Variants in KCTD17 observed in about 807,000 individuals in gnomAD.
KCTD17 encodes potassium channel tetramerization domain containing 17.
KCTD17 carries 20 observed loss-of-function variants against 41.5 expected under a neutral mutation model. The ratio of observed to expected loss-of-function variants is 0.48; its 90% CI spans 0.34 to 0.70. KCTD17 has a LOEUF of 0.70. Ranked by LOEUF, KCTD17 falls within the 30% of genes least tolerant of loss-of-function variation. The pLI, the probability that KCTD17 is intolerant of heterozygous loss-of-function variation, is 0.01. For missense variants in KCTD17, 317 were observed against 427.2 expected (o/e 0.74, Z 2.27); for synonymous variants, 156 against 173.8 (o/e 0.90, Z 0.80).
At position 37,053,248 on chromosome 22, in the gene KCTD17, C is replaced by T. The variant is rs1924705851; in HGVS notation, c.298+40C>T. 6.8e-7 allele frequency: 1 copy of T among 1,472,742 alleles called. No homozygotes were observed. The highest frequency in any genetic ancestry group is 9.3e-7 in the Non-Finnish European group (1 of 1,074,048). 91.2% of individuals were successfully genotyped at this position (1,472,742 alleles called of 1,614,324 possible). On this transcript the variant is annotated intron_variant, in intron 2 of 8. Transcript: ENST00000403888. The surrounding 1 kb of genome is among the most constrained non-coding windows in gnomAD (Gnocchi z 4.1). ...GGGGCTGGCCTGGACCTTATGCAGC[C>T]TGCCAGGGCCCTCTGTGGAGGCCCC...
At chr22:37,052,113 T>C in intron 1 of KCTD17, 164 bp downstream of exon 1, 1 of 790,370 alleles carries the variant, frequency 1.3e-6, no homozygotes, top group Non-Finnish European at 1.8e-6. Context: ...GGGAGGTGGG[T>C]CTGGTAGTGA....
chr22:37,051,757 G>A lies in KCTD17; in HGVS notation c.-4G>A. ...GGAGGAGGATGCAGACGCCGCGGCC[G>A]GCGATGAGGATGGAGGCCGGGGAGG... On this transcript the variant is annotated 5_prime_UTR_variant, in exon 1 of 9. Transcript: ENST00000403888. 1 of 1,221,784 alleles carries A rather than the reference G, an allele frequency of 8.2e-7. No homozygotes were observed. The highest frequency in any genetic ancestry group is 1.0e-6 in the Non-Finnish European group (1 of 981,996). 75.7% of individuals were successfully genotyped at this position (1,221,784 alleles called of 1,614,324 possible).
intron 5 of KCTD17, 110 bp downstream of exon 5, chr22:37,059,548 C>T: frequency 7.7e-7 from 1 of 1,296,252 alleles, no homozygotes; most frequent in Non-Finnish European, 1.1e-6. Flanking sequence ...TCTCCCGCCA[C>T]CGCCCATGCA....
chr22:37,057,054 C>G (rs530922287), intron 3 of KCTD17, among the ~76,000 whole-genome samples: 5 of 152,160 alleles, frequency 3.3e-5, no homozygotes, highest in Non-Finnish European at 7.4e-5. Flanking sequence ...AGAATGTTCC[C>G]TAAGCCCCAC....
rs1407048691 is a variant in KCTD17, at chr22:37,053,845, A to G, written c.298+637A>G. Among the ~76,000 whole-genome samples, 2 of 152,108 alleles carry G rather than the reference A, an allele frequency of 1.3e-5. No homozygotes were observed. Reference sequence around the variant, plus strand: ...ACAGTGGGGAGGCCATGTCTGGGAGAACGACCTGTTAGCAGAGCTGCAGCC... The same window carrying G: ...ACAGTGGGGAGGCCATGTCTGGGAGGACGACCTGTTAGCAGAGCTGCAGCC... On this transcript the variant is annotated intron_variant, in intron 2 of 8. Transcript: ENST00000403888. This position sits in a 1 kb window ranked among gnomAD's most constrained non-coding sequence, Gnocchi z 4.1.
chr22:37,058,420 G>A (rs1013719970), intron 4 of KCTD17, among the ~76,000 whole-genome samples: 4 of 152,212 alleles, frequency 2.6e-5, no homozygotes, highest in African/African-American at 7.2e-5. Flanking sequence ...TCCTCTGTAG[G>A]ACTCTTGTGA....
In KCTD17 at chr22:37,061,890, A is replaced by G; in HGVS notation, c.875+261A>G. Reference sequence around the variant, plus strand: ...AGAGGCCCTGGCCAAGTCCCTGCACATCCAGGAGCTCCTGTGTCACTGCCT... The same window carrying G: ...AGAGGCCCTGGCCAAGTCCCTGCACGTCCAGGAGCTCCTGTGTCACTGCCT... On this transcript the variant is annotated intron_variant, in intron 8 of 8. Coordinates refer to ENST00000403888, the MANE Select transcript of KCTD17 (RefSeq NM_001282684.2). The surrounding 1 kb of genome is among the most constrained non-coding windows in gnomAD (Gnocchi z 6.6). The G allele has an allele frequency of 1.0e-6, 1 of 985,404 alleles. No homozygotes were observed. The highest frequency in any genetic ancestry group is 4.7e-5 in the South Asian group (1 of 21,286). 61.0% of individuals were successfully genotyped at this position (985,404 alleles called of 1,614,324 possible).
At chr22:37,062,444 C>A in intron 8 of KCTD17, 81 bp from the exon 9 acceptor site, 1 of 1,531,934 alleles carries the variant, frequency 6.5e-7, no homozygotes, top group Non-Finnish European at 8.8e-7. Context: ...CTCTCCGCCC[C>A]CTTGCCCTGC....
At chr22:37,056,718 C>T (rs928433496) in intron 3 of KCTD17, among the ~76,000 whole-genome samples, 12 of 152,206 alleles carry the variant, frequency 7.9e-5, no homozygotes, top group Non-Finnish European at 1.3e-4. Context: ...ATGGCACACC[C>T]ATCCCTTCCT....
chr22:37,059,239 C>T lies in KCTD17; in HGVS notation c.487-74C>T, dbSNP rs192215589. ...TGAGCTGGTATCTTGATTTGAGTGC[C>T]GAGGTCTGTCGTATCCTGCCCCACG... On this transcript the variant is annotated intron_variant, in intron 4 of 8. Transcript: ENST00000403888. The T allele has an allele frequency of 4.5e-5, 72 of 1,591,378 alleles. No homozygotes were observed. The African/African-American group carries it at 5.2e-4, about 12-fold the overall frequency.
At chr22:37,054,236 T>C (rs1317745737) in intron 2 of KCTD17, among the ~76,000 whole-genome samples, 1 of 152,150 alleles carries the variant, frequency 6.6e-6, no homozygotes, top group African/African-American at 2.4e-5. Context: ...ACAGATACCA[T>C]GGGCGTGGCC....
chr22:37,057,274 C>T (rs1925242116), intron 3 of KCTD17, 124 bp from the exon 4 acceptor site: 1 of 779,898 alleles, frequency 1.3e-6, no homozygotes, highest in Admixed American at 2.0e-5. Context: ...CCAACCACCT[C>T]TTCTTTCTCT....
At position 37,061,580 on chromosome 22, in the gene KCTD17, G is replaced by A. The variant is rs772026115; in HGVS notation, c.826G>A (p.Val276Met). ...HPLRPEAELA[V>M]RASPRPLARP... ...TCTCAGACCTGAGGCTGAGCTTGCA[G>A]TGAGGGCTTCTCCTCGGCCCCTCGC... The change falls in exon 8 of 9, where the codon GTG (valine) becomes ATG (methionine). Residue 276 changes from valine (V) to methionine (M), a missense_variant. Val to Met is a conservative substitution (Grantham distance 21). Coordinates refer to ENST00000403888, the MANE Select transcript of KCTD17 (RefSeq NM_001282684.2). The surrounding 1 kb of genome is among the most constrained non-coding windows in gnomAD (Gnocchi z 6.6). 6.2e-7 allele frequency: 1 copy of A among 1,601,776 alleles called. No homozygotes were observed. The highest frequency in any genetic ancestry group is 8.5e-7 in the Non-Finnish European group (1 of 1,179,690).
chr22:37,060,350 G>T (rs926081136), intron 5 of KCTD17, among the ~76,000 whole-genome samples: 1 of 150,326 alleles, frequency 6.7e-6, no homozygotes, highest in Non-Finnish European at 1.5e-5. Context: ...GGTGCAGAGC[G>T]AGACTGCTCC....
chr22:37,055,688 G>C (rs1925020017), intron 2 of KCTD17, among the ~76,000 whole-genome samples: 1 of 152,164 alleles, frequency 6.6e-6, no homozygotes, highest in South Asian at 2.1e-4. Flanking sequence ...ATGAGCTCGT[G>C]CAGGGTGTTG....
chr22:37,060,213 C>A (rs1330935402), intron 5 of KCTD17, among the ~76,000 whole-genome samples: 1 of 152,218 alleles, frequency 6.6e-6, no homozygotes, highest in Non-Finnish European at 1.5e-5. Context: ...CCTCCTGGGG[C>A]CCAACCCCAC....
intron 8 of KCTD17, chr22:37,062,270 G>T: frequency 1.0e-6 from 1 of 985,064 alleles, no homozygotes; most frequent in Non-Finnish European, 1.2e-6. Context: ...AGCCCAAGAC[G>T]GGGCATGGGG....
intron 1 of KCTD17, chr22:37,052,393 T>C (rs1445410056): frequency 5.1e-6 from 2 of 395,442 alleles, no homozygotes; most frequent in East Asian, 1.4e-4. Flanking sequence ...GGGCTGAATC[T>C]AGAAGGAGCG....
rs1807686954 is a variant in KCTD17, at chr22:37,061,546, T to C, written c.792T>C (p.Arg264=). The part of the protein sequence containing the change: ...PPPPLPAGGS[R]PHPLRPEAEL... ...CACGTTTCCTCCTTGCAGGTTCCCG[T>C]CCGCACCCTCTCAGACCTGAGGCTG... is the stretch of plus-strand genomic sequence containing the variant. The change falls in exon 8 of 9, where the codon CGT becomes CGC. Residue 264 remains arginine, a synonymous_variant. Coordinates refer to ENST00000403888, the MANE Select transcript of KCTD17 (RefSeq NM_001282684.2). This position sits in a 1 kb window ranked among gnomAD's most constrained non-coding sequence, Gnocchi z 6.6. 6.2e-7 allele frequency: 1 copy of C among 1,601,574 alleles called. No homozygotes were observed. Among genetic ancestry groups the C allele is most frequent in the African/African-American group, 1.3e-5 (1 of 75,026 alleles).
Sources: allele counts gnomAD v4.1 joint callset (sites outside exome capture counted in the v4.1 genomes callset), GRCh38; gene constraint gnomAD v4.1.1; non-coding constraint Gnocchi (gnomAD v3.1); transcripts MANE v1.5; gene names NCBI Gene and HGNC (gene_info 2026-07-23, HGNC 2026-07-21).